GPHN: variants seen among roughly 807,000 people sequenced by gnomAD.
GPHN encodes the protein gephyrin.
Under a neutral mutation model 95.5 loss-of-function variants are expected in GPHN, and 17 were observed. The ratio of observed to expected loss-of-function variants is 0.18; its 90% CI spans 0.12 to 0.27. GPHN has a LOEUF of 0.27. Among genes scored for constraint, GPHN ranks in the 10% least tolerant of loss-of-function variants. The pLI is 1.00. For missense variants in GPHN, 660 were observed against 978.1 expected, an observed-to-expected ratio of 0.67 and a Z score of 4.34; for synonymous variants, 320 against 322.5, an observed-to-expected ratio of 0.99 and a Z score of 0.08.
At chr14:66,824,414 G>C (rs114670379) in intron 3 of GPHN, 60 bp from the exon 4 acceptor site, 10 of 805,100 alleles carry the variant, frequency 1.2e-5, no homozygotes, top group African/African-American at 3.4e-5. Flanking sequence ...CTAGGACTGG[G>C]ATGTTTTGAG....
chr14:67,303,656 T>C, the GPHN span: 6 of 1,154,826 alleles, frequency 5.2e-6, no homozygotes, highest in South Asian at 1.2e-5. Flanking sequence ...TTTACTTCTG[T>C]TACTGTTTAC....
At chr14:66,860,005 G>T (rs2062961508) in intron 4 of GPHN, among the ~76,000 whole-genome samples, 3 of 152,072 alleles carry the variant, frequency 2.0e-5, no homozygotes, top group African/African-American at 7.2e-5. Context: ...GTAAATCTAA[G>T]AGTTATTGGC....
chr14:66,697,068 A>G (rs529382901), intron 2 of GPHN, among the ~76,000 whole-genome samples: 6 of 152,316 alleles, frequency 3.9e-5, no homozygotes, highest in Admixed American at 2.6e-4. Context: ...AATATTTTAC[A>G]TTTGAATACA....
the GPHN span, among the ~76,000 whole-genome samples, chr14:67,732,745 T>A: frequency 2.1e-4 from 32 of 152,132 alleles, no homozygotes; most frequent in African/African-American, 7.2e-4. Context: ...CCCGGCTAAT[T>A]GTTTTTTGTA....
At chr14:66,884,883 T>C (rs1314533687) in intron 5 of GPHN, among the ~76,000 whole-genome samples, 3 of 150,862 alleles carry the variant, frequency 2.0e-5, no homozygotes, top group Non-Finnish European at 4.4e-5. Flanking sequence ...TGATTGCCAG[T>C]TTTCCATTTT....
chr14:66,811,699 A>G (rs1301004957), intron 3 of GPHN, among the ~76,000 whole-genome samples: 3 of 152,140 alleles, frequency 2.0e-5, no homozygotes, highest in Non-Finnish European at 2.9e-5. Flanking sequence ...TTTTTTGCAT[A>G]TTGCATATTC....
rs2083303543 is a variant in GPHN, at chr14:67,181,068, A to G, written c.*131A>G. ...CTGTATAGTCAACATCTTGAACTAT[A>G]TTTCAAATGAATTTAAATATCTTTT... is the stretch of plus-strand genomic sequence containing the variant. On this transcript the variant is annotated 3_prime_UTR_variant, in exon 23 of 23. Coordinates refer to ENST00000478722, the MANE Select transcript of GPHN (RefSeq NM_020806.5). 3.9e-6 allele frequency: 3 copies of G among 769,318 alleles called. No homozygotes were observed. The highest frequency in any genetic ancestry group is 3.2e-5 in the South Asian group (2 of 61,850). 47.7% of individuals were successfully genotyped at this position (769,318 alleles called of 1,614,324 possible).
At chr14:66,891,388 A>G (rs774012933) in intron 5 of GPHN, among the ~76,000 whole-genome samples, 32 of 152,178 alleles carry the variant, frequency 2.1e-4, no homozygotes, top group Non-Finnish European at 3.4e-4. Context: ...TGTCAATTCA[A>G]TGGGGGAGAG....
intron 9 of GPHN, among the ~76,000 whole-genome samples, chr14:66,996,697 A>T (rs1405101436): frequency 1.3e-5 from 2 of 152,124 alleles, no homozygotes. Context: ...AAATAAATAT[A>T]CATCTATTTT....
At chr14:67,667,432 A>G in the GPHN span, among the ~76,000 whole-genome samples, 1 of 152,186 alleles carries the variant, frequency 6.6e-6, no homozygotes, top group South Asian at 2.1e-4. Flanking sequence ...AGCAACAGAG[A>G]TCCCTCTCAA....
intron 16 of GPHN, among the ~76,000 whole-genome samples, chr14:67,121,143 C>T (rs1020699820): frequency 6.6e-6 from 1 of 152,140 alleles, no homozygotes; most frequent in Non-Finnish European, 1.5e-5. Flanking sequence ...CAGGTTTTCT[C>T]ACTTCAAGTA....
At chr14:67,518,265 A>G in the GPHN span, among the ~76,000 whole-genome samples, 5 of 152,212 alleles carry the variant, frequency 3.3e-5, no homozygotes, top group Non-Finnish European at 7.3e-5. Flanking sequence ...TGCTCAAGCA[A>G]ACTTGGTTTT....
At chr14:66,948,854 G>C (rs2067913406) in intron 8 of GPHN, among the ~76,000 whole-genome samples, 1 of 152,134 alleles carries the variant, frequency 6.6e-6, no homozygotes, top group African/African-American at 2.4e-5. Context: ...GCTCAGGCAG[G>C]AGTGCAACAG....
At chr14:67,043,242 C>T (rs993200281) in intron 10 of GPHN, among the ~76,000 whole-genome samples, 1 of 152,096 alleles carries the variant, frequency 6.6e-6, no homozygotes, top group African/African-American at 2.4e-5. Flanking sequence ...TGCCTGATTG[C>T]CCTGGCCAGA....
chr14:66,533,419 A>G (rs1194422874), intron 1 of GPHN, among the ~76,000 whole-genome samples: 1 of 152,294 alleles, frequency 6.6e-6, no homozygotes, highest in East Asian at 1.9e-4. Context: ...TTCCTTTGGA[A>G]AGGGACCACG....
intron 1 of GPHN, among the ~76,000 whole-genome samples, chr14:66,615,245 T>G (rs2062957197): frequency 6.6e-6 from 1 of 152,188 alleles, no homozygotes; most frequent in South Asian, 2.1e-4. Flanking sequence ...GATTGCTGGG[T>G]CAAATGGTAT....
intron 6 of GPHN, 36 bp from the exon 7 acceptor site, chr14:66,922,630 T>C: frequency 6.4e-7 from 1 of 1,558,058 alleles, no homozygotes; most frequent in Non-Finnish European, 8.7e-7. Context: ...ACAAAAGTGC[T>C]TCATCTTAAT....
At chr14:67,709,313 A>C in the GPHN span, among the ~76,000 whole-genome samples, 4 of 152,376 alleles carry the variant, frequency 2.6e-5, no homozygotes, top group Admixed American at 2.6e-4. Context: ...TTAATTTTCC[A>C]AACAATAAGC....
At chr14:67,083,092 GT>G (rs2076753462) in intron 11 of GPHN, among the ~76,000 whole-genome samples, 2 of 152,160 alleles carry the variant, frequency 1.3e-5, no homozygotes, top group African/African-American at 2.4e-5. Context: ...ACCTATATTT[GT>G]TGCTTTGAGT....
Sources: allele counts gnomAD v4.1 joint callset (sites outside exome capture counted in the v4.1 genomes callset), GRCh38; gene constraint gnomAD v4.1.1; transcripts MANE v1.5; gene names NCBI Gene and HGNC (gene_info 2026-07-23, HGNC 2026-07-21).